The following GCLC variants were observed in gnomAD, a reference collection of about 807,000 sequenced individuals.
The protein encoded by GCLC is glutamate-cysteine ligase catalytic subunit, also known as glutamate--cysteine ligase catalytic subunit.
GCLC carries 30 observed loss-of-function variants against 81.5 expected under a neutral mutation model. The observed-to-expected ratio is 0.37, with a 90% CI of 0.28 to 0.50. GCLC has a LOEUF of 0.50. Among genes scored for constraint, GCLC ranks in the 20% least tolerant of loss-of-function variants. GCLC has a pLI of 0.96. For missense variants in GCLC, 556 were observed against 777.4 expected (o/e 0.72, Z 3.39); for synonymous variants, 262 against 273.3 (o/e 0.96, Z 0.41).
At chr6:53,526,295 T>A (rs572666960) in intron 1 of GCLC, among the ~76,000 whole-genome samples, 1 of 152,308 alleles carries the variant, frequency 6.6e-6, no homozygotes, top group East Asian at 1.9e-4. Flanking sequence ...GAATTTTAAC[T>A]GAGGCGATGT....
intron 1 of GCLC, among the ~76,000 whole-genome samples, chr6:53,537,094 G>C (rs764815650): frequency 1.3e-5 from 2 of 152,138 alleles, no homozygotes; most frequent in Non-Finnish European, 2.9e-5. Context: ...TTGTTACACT[G>C]TTCTTTTGAC....
chr6:53,503,081 A>G (rs978396948), intron 12 of GCLC: 1 of 152,174 alleles, frequency 6.6e-6, no homozygotes, highest in Non-Finnish European at 1.5e-5. Context: ...ACTGACGCCT[A>G]ATGCCCATTG....
chr6:53,536,007 T>C (rs907647168), intron 1 of GCLC, among the ~76,000 whole-genome samples: 1 of 152,194 alleles, frequency 6.6e-6, no homozygotes, highest in East Asian at 1.9e-4. Flanking sequence ...GTTCATATAA[T>C]TTTTTTATAA....
intron 12 of GCLC, among the ~76,000 whole-genome samples, chr6:53,501,514 AT>A (rs1764513456): frequency 6.6e-6 from 1 of 152,190 alleles, no homozygotes; most frequent in African/African-American, 2.4e-5. Context: ...GTAATCCCTT[AT>A]TTTCTATAAT....
chr6:53,525,807 G>A (rs543501240), intron 1 of GCLC, among the ~76,000 whole-genome samples: 1 of 152,096 alleles, frequency 6.6e-6, no homozygotes, highest in Non-Finnish European at 1.5e-5. Flanking sequence ...TCTATTCTCT[G>A]CAATACACAG....
At position 53,506,905 on chromosome 6, in the gene GCLC, GA is replaced by G. The variant is rs1277982251; in HGVS notation, c.1197+7del. On this transcript the variant is annotated splice_region_variant and intron_variant, in intron 10 of 15. Coordinates refer to ENST00000650454, the MANE Select transcript of GCLC (RefSeq NM_001498.4). The surrounding 1 kb of genome is among the most constrained non-coding windows in gnomAD (Gnocchi z 4.0). Reference sequence around the variant, plus strand: ...CATAAATAAATAAAAATAAAACTGAGAAGATACCTCAAAATGGTCAGACTCA... The same window carrying G: ...CATAAATAAATAAAAATAAAACTGAGAGATACCTCAAAATGGTCAGACTCA... 1 of 1,359,832 alleles carries G rather than the reference GA, an allele frequency of 7.4e-7. No individual in the cohort carries two copies. The highest frequency in any genetic ancestry group is 1.4e-5 in the African/African-American group (1 of 70,140). 84.2% of individuals were successfully genotyped at this position (1,359,832 alleles called of 1,614,324 possible).
intron 1 of GCLC, among the ~76,000 whole-genome samples, chr6:53,532,326 A>G (rs1763187237): frequency 6.6e-6 from 1 of 152,236 alleles, no homozygotes; most frequent in Non-Finnish European, 1.5e-5. Context: ...TTCTTGCAGT[A>G]CATCCTGAGC....
chr6:53,507,908 A>G (rs185688494), intron 8 of GCLC, among the ~76,000 whole-genome samples: 2 of 152,322 alleles, frequency 1.3e-5, no homozygotes, highest in African/African-American at 4.8e-5. Flanking sequence ...AAATAAATAA[A>G]TCTATAACGT....
At chr6:53,519,646 A>G (rs745804235) in intron 3 of GCLC, among the ~76,000 whole-genome samples, 1 of 152,166 alleles carries the variant, frequency 6.6e-6, no homozygotes, top group Non-Finnish European at 1.5e-5. Flanking sequence ...GGCAGGGCCA[A>G]TGATTTTTCA....
chr6:53,500,559 AG>A, intron 12 of GCLC, 46 bp from the exon 13 acceptor site: 1 of 1,352,286 alleles, frequency 7.4e-7, no homozygotes, highest in Non-Finnish European at 1.1e-6. Context: ...ATTCTTGATC[AG>A]ACATACAAGT....
chr6:53,500,022 A>G, intron 15 of GCLC, 23 bp downstream of exon 15: 1 of 1,537,214 alleles, frequency 6.5e-7, no homozygotes. Flanking sequence ...ATATTATGAG[A>G]TTAAGAAAAA....
intron 1 of GCLC, among the ~76,000 whole-genome samples, chr6:53,527,534 C>CA (rs1205633977): frequency 6.6e-6 from 1 of 152,144 alleles, no homozygotes; most frequent in Non-Finnish European, 1.5e-5. Context: ...ATCCATTCAA[C>CA]AAAGCTCTTT....
intron 12 of GCLC, among the ~76,000 whole-genome samples, chr6:53,502,491 A>G (rs1304240755): frequency 6.6e-6 from 1 of 152,220 alleles, no homozygotes; most frequent in Non-Finnish European, 1.5e-5. Flanking sequence ...CCATCACACT[A>G]AACTCTTTTC....
intron 3 of GCLC, among the ~76,000 whole-genome samples, chr6:53,519,897 T>G (rs1393724725): frequency 6.6e-6 from 1 of 152,132 alleles, no homozygotes; most frequent in Non-Finnish European, 1.5e-5. Context: ...AATTCCCATT[T>G]AAATGCCCCT....
At chr6:53,527,927 C>A (rs946890369) in intron 1 of GCLC, among the ~76,000 whole-genome samples, 1 of 152,206 alleles carries the variant, frequency 6.6e-6, no homozygotes, top group African/African-American at 2.4e-5. Flanking sequence ...GCATCCACCC[C>A]ACAGAGATCA....
intron 12 of GCLC, chr6:53,500,924 C>T (rs1370399338): frequency 1.9e-5 from 6 of 310,700 alleles, no homozygotes; most frequent in African/African-American, 1.1e-4. Flanking sequence ...AGTTCTTCTT[C>T]TGTTTTTTTG....
rs569790547 is a variant in GCLC at position 53,508,564 on chromosome 6, A to C, written c.945+31T>G. On this transcript the variant is annotated intron_variant, in intron 8 of 15. Coordinates refer to ENST00000650454, the MANE Select transcript of GCLC (RefSeq NM_001498.4). Reference sequence around the variant, plus strand: ...AAGATCCATTTTACCTGCTTGACTTAAAAGGGCTATTAAGGAAAAACAATT... The same window carrying C: ...AAGATCCATTTTACCTGCTTGACTTCAAAGGGCTATTAAGGAAAAACAATT... 3.1e-6 allele frequency: 4 copies of C among 1,271,518 alleles called. No individual in the cohort carries two copies. In the Admixed American group the frequency reaches 6.7e-5, roughly 21 times the overall value. The allele number at this position is 1,271,518 out of a possible 1,614,324, so 78.8% of individuals were successfully genotyped here.
At chr6:53,514,639 G>T in intron 4 of GCLC, 142 bp from the exon 5 acceptor site, 2 of 742,350 alleles carry the variant, frequency 2.7e-6, no homozygotes, top group Non-Finnish European at 4.9e-6. Context: ...ATGTATCTGT[G>T]GTGTCAAGAC....
Position 53,522,608 on chromosome 6 carries a change from A to G in GCLC, c.151-81T>C, listed in dbSNP as rs1581741269. On this transcript the variant is annotated intron_variant, in intron 1 of 15. Coordinates refer to ENST00000650454, the MANE Select transcript of GCLC (RefSeq NM_001498.4). ...GGCCTCCAGAAGAAAAAGGCAGGGAAACGTGAAGTCTGTAAAGGATCCACA... is the reference window on the plus strand; with the variant it reads ...GGCCTCCAGAAGAAAAAGGCAGGGAGACGTGAAGTCTGTAAAGGATCCACA... The G allele has an allele frequency of 2.5e-5, 21 of 839,148 alleles. No homozygotes were observed. The East Asian group carries it at 5.3e-4, about 21-fold the overall frequency. 52.0% of individuals were successfully genotyped at this position (839,148 alleles called of 1,614,324 possible).
Sources: gnomAD v4.1 joint callset for allele counts (sites outside exome capture counted in the v4.1 genomes callset) on GRCh38, gnomAD v4.1.1 for gene constraint, Gnocchi (gnomAD v3.1) non-coding constraint, MANE v1.5 for transcripts, NCBI Gene and HGNC (gene_info 2026-07-23, HGNC 2026-07-21) for gene names.